The following NUP98 variants were observed in gnomAD, a reference collection of about 807,000 sequenced individuals.
NUP98 encodes nucleoporin 98 and 96 precursor.
A neutral mutation model predicts 191.9 loss-of-function variants in NUP98; 26 were observed. The observed-to-expected ratio is 0.14, with a 90% confidence interval of 0.10 to 0.19. The LOEUF (loss-of-function observed/expected upper bound fraction) is 0.19. NUP98 is among the 10% of genes least tolerant of loss of function. The pLI, the probability that NUP98 is intolerant of heterozygous loss-of-function variation, is 1.00. For missense variants in NUP98, 1,941 were observed against 2,178.8 expected (o/e 0.89, Z 2.17); for synonymous variants, 808 against 778.4 (o/e 1.04, Z -0.63).
chr11:3,766,606 T>C (rs971503997), intron 8 of NUP98, among the ~76,000 whole-genome samples: 5 of 147,118 alleles, frequency 3.4e-5, no homozygotes, highest in African/African-American at 1.3e-4. Flanking sequence ...GGAGAATCCC[T>C]TGAACCCAGG....
At chr11:3,751,050 T>C (rs1424122624) in intron 11 of NUP98, among the ~76,000 whole-genome samples, 2 of 152,122 alleles carry the variant, frequency 1.3e-5, no homozygotes, top group Non-Finnish European at 2.9e-5. Context: ...ATACAGGGTG[T>C]AGTTTCCATT....
intron 8 of NUP98, among the ~76,000 whole-genome samples, chr11:3,766,804 T>C (rs2081355425): frequency 1.3e-5 from 2 of 152,204 alleles, no homozygotes; most frequent in Non-Finnish European, 2.9e-5. Flanking sequence ...GTTTTTATCA[T>C]GAAAAAGTGT....
intron 12 of NUP98, among the ~76,000 whole-genome samples, chr11:3,744,249 T>C (rs1422392589): frequency 6.6e-6 from 1 of 152,172 alleles, no homozygotes; most frequent in Non-Finnish European, 1.5e-5. Context: ...TATAAGCACA[T>C]TTAGCGATAT....
rs1175194261 is a variant in NUP98 at position 3,792,152 on chromosome 11, C to G, written c.-29+5248G>C. On this transcript the variant is annotated intron_variant, in intron 1 of 32. Transcript: ENST00000324932. The stretch of plus-strand genomic sequence containing the variant: ...CGAGATCGTGCCACTGCACTCCAGC[C>G]CAGGTGACAGAGTGAAACTCCATCT... Among the ~76,000 whole-genome samples, 3 of 133,822 alleles carry G rather than the reference C, an allele frequency of 2.2e-5. No individual in the cohort carries two copies. In the East Asian group the frequency reaches 6.7e-4, roughly 30 times the overall value. 87.8% of individuals were successfully genotyped at this position (133,822 alleles called of 152,430 possible).
chr11:3,749,773 A>C (rs1014733797), intron 11 of NUP98, among the ~76,000 whole-genome samples: 1 of 152,204 alleles, frequency 6.6e-6, no homozygotes, highest in African/African-American at 2.4e-5. Context: ...CTTTGCCAGT[A>C]ATCAGTGAGG....
intron 10 of NUP98, among the ~76,000 whole-genome samples, chr11:3,755,359 G>A (rs150674452): frequency 1.3e-5 from 2 of 152,112 alleles, no homozygotes; most frequent in African/African-American, 4.8e-5. Context: ...AGCAATTTGG[G>A]AGGCTGACGC....
intron 10 of NUP98, among the ~76,000 whole-genome samples, chr11:3,757,287 G>A (rs945903528): frequency 6.6e-6 from 1 of 150,846 alleles, no homozygotes; most frequent in African/African-American, 2.4e-5. Context: ...TCAGGAGTTC[G>A]AGGCCAGCCT....
At chr11:3,683,474 T>C (rs7950171) in intron 29 of NUP98, 33 bp from the exon 30 acceptor site, 363,769 of 1,609,298 alleles carry the variant, frequency 0.23, 43,014 homozygotes, top group Middle Eastern at 0.3. Context: ...ATAAATCCCA[T>C]CCTCATTCAT....
chr11:3,751,925 C>T (rs1010067502), intron 11 of NUP98, among the ~76,000 whole-genome samples: 2 of 151,950 alleles, frequency 1.3e-5, no homozygotes, highest in African/African-American at 4.8e-5. Context: ...TGTCTGTAAT[C>T]CCAGCACTTA....
intron 22 of NUP98, 99 bp downstream of exon 22, chr11:3,705,101 C>T: frequency 1.8e-6 from 2 of 1,097,054 alleles, no homozygotes; most frequent in South Asian, 1.4e-5. Flanking sequence ...TTGGCAGATA[C>T]TTGCTAGAGA....
At chr11:3,743,646 CA>C (rs34382341) in intron 12 of NUP98, among the ~76,000 whole-genome samples, 6,945 of 49,432 alleles carry the variant, frequency 0.14, 274 homozygotes, top group African/African-American at 0.27. Context: ...AACTCCATCT[CA>C]AAAAAAAAAA....
At chr11:3,748,979 G>T (rs745376617) in intron 11 of NUP98, among the ~76,000 whole-genome samples, 2 of 151,234 alleles carry the variant, frequency 1.3e-5, no homozygotes, top group Non-Finnish European at 2.9e-5. Context: ...TAACCAAAAA[G>T]AGTTAATATC....
chr11:3,720,175 TG>T (rs2079338738), intron 17 of NUP98, among the ~76,000 whole-genome samples: 2 of 152,218 alleles, frequency 1.3e-5, no homozygotes, highest in South Asian at 4.1e-4. Context: ...GCCTGGCATA[TG>T]GGTTAAAATG....
At chr11:3,722,374 C>A (rs2079435731) in intron 16 of NUP98, among the ~76,000 whole-genome samples, 1 of 151,882 alleles carries the variant, frequency 6.6e-6, no homozygotes, top group South Asian at 2.1e-4. Flanking sequence ...CCTAAGCCTG[C>A]CAAAGTGCTG....
At chr11:3,683,463 A>T in intron 29 of NUP98, 22 bp from the exon 30 acceptor site, 1 of 1,612,898 alleles carries the variant, frequency 6.2e-7, no homozygotes, top group Non-Finnish European at 8.5e-7. Flanking sequence ...GATAAGCTAG[A>T]ATAAATCCCA....
At chr11:3,706,974 AG>A (rs1270014377) in intron 20 of NUP98, among the ~76,000 whole-genome samples, 1 of 152,222 alleles carries the variant, frequency 6.6e-6, no homozygotes, top group African/African-American at 2.4e-5. Context: ...TGATTTACAC[AG>A]GGTCACCTTT....
At chr11:3,737,935 G>T (rs562336803) in intron 12 of NUP98, among the ~76,000 whole-genome samples, 1 of 151,326 alleles carries the variant, frequency 6.6e-6, no homozygotes, top group Admixed American at 6.6e-5. Flanking sequence ...CTATTTTGGG[G>T]ACTATGCAAG....
Position 3,778,937 on chromosome 11 carries a change from T to C in NUP98, c.291A>G (p.Thr97=). The change falls in exon 4 of 33, where the codon ACA becomes ACG. Residue 97 remains threonine (T), a synonymous_variant. Transcript: ENST00000324932. ...TTTGGGATGAGAAGAGACTGGTCCC[T>C]GTGCTTGCAGTTCCAAACAAGGTAT... ...TANTLFGTAS[T]GTSLFSSQNN... is the part of the protein sequence containing the mutation. 1 of 1,614,220 alleles carries C rather than the reference T, an allele frequency of 6.2e-7. No individual in the cohort carries two copies. Among genetic ancestry groups the C allele is most frequent in the Non-Finnish European group, 8.5e-7 (1 of 1,180,038 alleles).
intron 14 of NUP98, among the ~76,000 whole-genome samples, chr11:3,727,153 C>T (rs939760771): frequency 1.3e-5 from 2 of 152,054 alleles, no homozygotes; most frequent in African/African-American, 4.8e-5. Flanking sequence ...TCTTTATACC[C>T]AAACTGGGTA....
Sources: gnomAD v4.1 joint callset for allele counts (sites outside exome capture counted in the v4.1 genomes callset) on GRCh38, gnomAD v4.1.1 for gene constraint, MANE v1.5 for transcripts, NCBI Gene and HGNC (gene_info 2026-07-23, HGNC 2026-07-21) for gene names.